The following CHL1 variants were observed in gnomAD, a reference collection of about 807,000 sequenced individuals.
CHL1 encodes the protein neural cell adhesion molecule L1-like protein.
CHL1 carries 96 observed loss-of-function variants against 141.9 expected under a neutral mutation model. The ratio of observed to expected loss-of-function variants is 0.68; its 90% confidence interval spans 0.57 to 0.80. The LOEUF is 0.80. CHL1 is among the 30% of genes least tolerant of loss of function. CHL1 has a pLI of 0.00. For missense variants in CHL1, 1,820 were observed against 1,457.2 expected, an observed-to-expected ratio of 1.25 and a Z score of -4.05; for synonymous variants, 613 against 502.2, an observed-to-expected ratio of 1.22 and a Z score of -2.95.
At chr3:390,298 G>A (rs1202252265) in intron 20 of CHL1, among the ~76,000 whole-genome samples, 1 of 152,180 alleles carries the variant, frequency 6.6e-6, no homozygotes, top group East Asian at 1.9e-4. Flanking sequence ...AACCAATTTA[G>A]GTAAGTCCCT....
At chr3:235,682 G>A (rs1374615445) in intron 1 of CHL1, among the ~76,000 whole-genome samples, 1 of 152,040 alleles carries the variant, frequency 6.6e-6, no homozygotes, top group Non-Finnish European at 1.5e-5. Context: ...ACTTCCAGGG[G>A]AGGCCATCTC....
At chr3:337,525 C>T (rs553486199) in intron 5 of CHL1, among the ~76,000 whole-genome samples, 110 of 150,490 alleles carry the variant, frequency 7.3e-4, no homozygotes, top group Non-Finnish European at 1.3e-3. Context: ...TCTCCCCCCA[C>T]CCCACAACAG....
chr3:243,889 C>G lies in CHL1; in HGVS notation c.-174-724C>G, dbSNP rs143397377. ...CAAAAAAATGTTGACTTATTCCAAT[C>G]GTTCTGATGCCTAATAGAAAGTAGA... On this transcript the variant is annotated intron_variant, in intron 1 of 27. Transcript: ENST00000256509. 1.7e-3 allele frequency among the ~76,000 whole-genome samples: 260 copies of G among 152,252 alleles called. 1 individual carries two copies. The highest frequency in any genetic ancestry group is 5.9e-3 in the African/African-American group (244 of 41,542).
chr3:343,649 T>C (rs1702528307), intron 8 of CHL1, among the ~76,000 whole-genome samples: 1 of 152,194 alleles, frequency 6.6e-6, no homozygotes, highest in South Asian at 2.1e-4. Flanking sequence ...GTCAGTTACA[T>C]AATTGCAGCA....
chr3:250,998 T>G (rs912171779), intron 2 of CHL1, among the ~76,000 whole-genome samples: 2 of 152,148 alleles, frequency 1.3e-5, no homozygotes, highest in African/African-American at 4.8e-5. Context: ...TCATGAAGCT[T>G]ATAATCTTAT....
At position 408,424 on chromosome 3, in the gene CHL1, C is replaced by A. The variant is rs1388222588; in HGVS notation, c.*2713C>A. The A allele has an allele frequency of 6.6e-6, 1 of 152,126 alleles. No homozygotes were observed. Among genetic ancestry groups the A allele is most frequent in the Non-Finnish European group, 1.5e-5 (1 of 68,014 alleles). The allele number at this position is 152,126 out of a possible 1,614,324, so 9.4% of individuals were successfully genotyped here. On this transcript the variant is annotated 3_prime_UTR_variant, in exon 28 of 28. Transcript: ENST00000256509. Reference sequence around the variant, plus strand: ...ACTGATTTTGTACATAAACATTAGGCAGGTTGCTTAACCTTTTTATTTCAA... The same window carrying A: ...ACTGATTTTGTACATAAACATTAGGAAGGTTGCTTAACCTTTTTATTTCAA...
chr3:203,030 C>T (rs559454247), intron 1 of CHL1, among the ~76,000 whole-genome samples: 1 of 152,276 alleles, frequency 6.6e-6, no homozygotes, highest in East Asian at 1.9e-4. Context: ...CTGCAGACTT[C>T]CAATGAGGTA....
intron 1 of CHL1, among the ~76,000 whole-genome samples, chr3:207,374 G>A (rs576091294): frequency 6.6e-5 from 10 of 152,248 alleles, no homozygotes; most frequent in Non-Finnish European, 1.2e-4. Flanking sequence ...TGCTTCTCTG[G>A]AATACACAGC....
At chr3:399,691 C>G (rs1708966900) in intron 26 of CHL1, among the ~76,000 whole-genome samples, 1 of 152,124 alleles carries the variant, frequency 6.6e-6, no homozygotes, top group Admixed American at 6.6e-5. Flanking sequence ...ATAACACTTC[C>G]AAGCTTCTAT....
At chr3:206,053 A>G (rs1699412008) in intron 1 of CHL1, among the ~76,000 whole-genome samples, 1 of 152,228 alleles carries the variant, frequency 6.6e-6, no homozygotes, top group Non-Finnish European at 1.5e-5. Flanking sequence ...CCTGTTGTCC[A>G]TCCAAACTTA....
chr3:335,090 C>A (rs1357153886), intron 5 of CHL1, among the ~76,000 whole-genome samples: 1 of 152,194 alleles, frequency 6.6e-6, no homozygotes, highest in Non-Finnish European at 1.5e-5. Flanking sequence ...TGTTAACATA[C>A]TTCCTCAGAT....
intron 7 of CHL1, 83 bp from the exon 8 acceptor site, chr3:342,901 A>G (rs975918995): frequency 1.6e-5 from 18 of 1,145,898 alleles, no homozygotes; most frequent in Middle Eastern, 2.3e-4. Context: ...TTTTTCTAAG[A>G]CAAAAATATG....
intron 15 of CHL1, 137 bp downstream of exon 15, chr3:366,252 C>G: frequency 2.7e-6 from 2 of 751,846 alleles, no homozygotes; most frequent in Non-Finnish European, 4.3e-6. Context: ...GAGTGGATCA[C>G]TTGAGGTCAG....
intron 2 of CHL1, among the ~76,000 whole-genome samples, chr3:303,943 A>G (rs370330373): frequency 1.2e-4 from 18 of 152,212 alleles, no homozygotes; most frequent in South Asian, 4.1e-4. Context: ...AAGGGGTGTT[A>G]TATTTTATCA....
chr3:376,117 G>T (rs997508170), intron 15 of CHL1, among the ~76,000 whole-genome samples: 7 of 152,216 alleles, frequency 4.6e-5, no homozygotes, highest in African/African-American at 9.6e-5. Context: ...TGTTATGAGA[G>T]TAGAAATGAT....
intron 14 of CHL1, 53 bp downstream of exon 14, chr3:363,436 T>C (rs1412070034): frequency 6.7e-7 from 1 of 1,491,066 alleles, no homozygotes; most frequent in East Asian, 2.3e-5. Flanking sequence ...GTTCAGTCTG[T>C]CTTCATTTGC....
At chr3:287,579 C>T (rs149207332) in intron 2 of CHL1, among the ~76,000 whole-genome samples, 1 of 152,122 alleles carries the variant, frequency 6.6e-6, no homozygotes, top group Non-Finnish European at 1.5e-5. Flanking sequence ...AAATGCCAGT[C>T]TTTGATTTGA....
At chr3:336,606 G>A (rs976361838) in intron 5 of CHL1, among the ~76,000 whole-genome samples, 1 of 152,182 alleles carries the variant, frequency 6.6e-6, no homozygotes, top group Admixed American at 6.5e-5. Context: ...ATGAGATACA[G>A]AAAAAGGTAA....
intron 2 of CHL1, among the ~76,000 whole-genome samples, chr3:272,078 C>T (rs1695681218): frequency 6.6e-6 from 1 of 152,130 alleles, no homozygotes; most frequent in African/African-American, 2.4e-5. Flanking sequence ...TTATAAATAA[C>T]ATTCATATAG....
Sources: gnomAD v4.1 joint callset for allele counts (sites outside exome capture counted in the v4.1 genomes callset) on GRCh38, gnomAD v4.1.1 for gene constraint, MANE v1.5 for transcripts, NCBI Gene and HGNC (gene_info 2026-07-23, HGNC 2026-07-21) for gene names.